The following CELF2 variants were observed in gnomAD, a reference collection of about 807,000 sequenced individuals.
The protein encoded by CELF2 is CUGBP Elav-like family member 2.
In CELF2, 8 loss-of-function variants were observed where a neutral mutation model predicts 62.6. The ratio of observed to expected loss-of-function variants is 0.13; its 90% CI spans 0.07 to 0.23. The LOEUF (loss-of-function observed/expected upper bound fraction) is 0.23, where lower values mean the gene tolerates loss of function less well. CELF2 is among the 10% of genes least tolerant of loss of function. The probability of loss-of-function intolerance (pLI) is 1.00; values close to 1 mark genes in which losing one functional copy is unlikely to be tolerated. For missense variants in CELF2, 333 were observed against 671.0 expected, an observed-to-expected ratio of 0.50 and a Z score of 5.56; for synonymous variants, 258 against 250.0, an observed-to-expected ratio of 1.03 and a Z score of -0.30.
chr10:10,925,403 A>G (rs1057152742), intron 2 of CELF2, among the ~76,000 whole-genome samples: 3 of 151,894 alleles, frequency 2.0e-5, no homozygotes, highest in Admixed American at 6.5e-5. Context: ...TGCACTAAGT[A>G]TATGCCAAGC....
chr10:10,949,018 G>A (rs960537874), intron 2 of CELF2, among the ~76,000 whole-genome samples: 6 of 152,064 alleles, frequency 3.9e-5, no homozygotes, highest in East Asian at 1.9e-4. Flanking sequence ...AAATGAACAC[G>A]CACACACAAA....
At chr10:11,037,288 C>T (rs543157740) in intron 1 of CELF2, among the ~76,000 whole-genome samples, 23 of 152,306 alleles carry the variant, frequency 1.5e-4, no homozygotes, top group Non-Finnish European at 2.6e-4. Context: ...GTGAGAACAG[C>T]GTGGGAGAAA....
the CELF2 span, among the ~76,000 whole-genome samples, chr10:10,747,410 A>T: frequency 6.6e-6 from 1 of 152,188 alleles, no homozygotes; most frequent in Non-Finnish European, 1.5e-5. Flanking sequence ...AAAGAAACGC[A>T]CTTGCAAATT....
At chr10:11,160,040 C>T (rs1402802496) in intron 1 of CELF2, among the ~76,000 whole-genome samples, 1 of 152,234 alleles carries the variant, frequency 6.6e-6, no homozygotes, top group Non-Finnish European at 1.5e-5. Context: ...GTCAGCTCTC[C>T]AGCCTGCAGC....
At chr10:10,591,373 C>A in the CELF2 span, among the ~76,000 whole-genome samples, 1 of 151,904 alleles carries the variant, frequency 6.6e-6, no homozygotes, top group Non-Finnish European at 1.5e-5. Flanking sequence ...TGGGTATATG[C>A]TTTCAGTACA....
At chr10:10,530,447 T>C in the CELF2 span, among the ~76,000 whole-genome samples, 1 of 152,206 alleles carries the variant, frequency 6.6e-6, no homozygotes, top group Non-Finnish European at 1.5e-5. Context: ...TTAGTAAACG[T>C]TATCAATCTG....
At chr10:11,284,241 G>T (rs1280604601) in intron 8 of CELF2, among the ~76,000 whole-genome samples, 2,230 of 11,278 alleles carry the variant, frequency 0.2, 923 homozygotes, top group Non-Finnish European at 0.23. Context: ...AGGGATGGAG[G>T]GGTGGGTGGA....
At chr10:10,680,119 G>A in the CELF2 span, among the ~76,000 whole-genome samples, 2 of 151,954 alleles carry the variant, frequency 1.3e-5, no homozygotes, top group East Asian at 1.9e-4. Flanking sequence ...CACAAAACTC[G>A]GGTAGCATGA....
At chr10:11,161,562 A>G (rs749759955) in intron 1 of CELF2, among the ~76,000 whole-genome samples, 7 of 152,262 alleles carry the variant, frequency 4.6e-5, no homozygotes. Flanking sequence ...GTTCATCTCC[A>G]AAACAGATAA....
At position 10,982,720 on chromosome 10, in the gene CELF2, T is replaced by C. The variant is rs74934349; in HGVS notation, c.89+62721T>C. On this transcript the variant is annotated intron_variant, in intron 2 of 13. Transcript: ENST00000636488. ...TAGATTTGTTTTATGACCTAAGGCATATTCATTTGGGCAACATGAGTATGA... is the reference window on the plus strand; with the variant it reads ...TAGATTTGTTTTATGACCTAAGGCACATTCATTTGGGCAACATGAGTATGA... Among the ~76,000 whole-genome samples the C allele has an allele frequency of 4.6e-4, 70 of 152,322 alleles. 1 individual carries two copies. In the East Asian group the frequency reaches 9.8e-3, roughly 21 times the overall value.
intron 1 of CELF2, among the ~76,000 whole-genome samples, chr10:11,047,160 A>T (rs2063005178): frequency 6.6e-6 from 1 of 152,174 alleles, no homozygotes; most frequent in Non-Finnish European, 1.5e-5. Flanking sequence ...ATTTCCACTG[A>T]GTCCTTGCTA....
chr10:11,253,270 C>T (rs917925254), intron 4 of CELF2, among the ~76,000 whole-genome samples: 5 of 152,200 alleles, frequency 3.3e-5, no homozygotes, highest in Non-Finnish European at 5.9e-5. Context: ...GGGTCTTTAA[C>T]GCCTAGAACC....
chr10:10,778,065 A>T, the CELF2 span, among the ~76,000 whole-genome samples: 2 of 152,144 alleles, frequency 1.3e-5, no homozygotes, highest in Non-Finnish European at 2.9e-5. Context: ...GGTTCGGGAG[A>T]TGGGGGCCCT....
intron 2 of CELF2, chr10:10,960,001 T>G (rs1251886564): frequency 2.0e-5 from 3 of 152,250 alleles, no homozygotes; most frequent in African/African-American, 7.2e-5. Context: ...AAGCATCAGC[T>G]TTCAGGGTTC....
rs538040804 is a variant in CELF2, at chr10:11,316,023, C to T, written c.1096+1765C>T. On this transcript the variant is annotated intron_variant, in intron 10 of 12. Coordinates refer to ENST00000633077, the MANE Select transcript of CELF2 (RefSeq NM_001326342.2). This position sits in a 1 kb window ranked among gnomAD's most constrained non-coding sequence, Gnocchi z 4.4. ...TGTGTGTGTCCTCTCGTCTGCGTCC[C>T]GCCCTGTCCACGCTGCTCTGCTCTG... 4.6e-5 allele frequency among the ~76,000 whole-genome samples: 7 copies of T among 152,330 alleles called. No homozygotes were observed. The South Asian group carries it at 6.2e-4, about 14-fold the overall frequency.
the CELF2 span, among the ~76,000 whole-genome samples, chr10:10,597,954 G>A: frequency 6.6e-6 from 1 of 152,154 alleles, no homozygotes; most frequent in South Asian, 2.1e-4. Context: ...ATGTAGGCAT[G>A]AGCCCTTTAA....
At chr10:10,501,585 A>G in the CELF2 span, among the ~76,000 whole-genome samples, 3 of 151,912 alleles carry the variant, frequency 2.0e-5, no homozygotes, top group Non-Finnish European at 4.4e-5. Flanking sequence ...TTTAATTTTA[A>G]TTTCCATGTG....
chr10:10,881,337 G>A (rs961165739), intron 1 of CELF2, among the ~76,000 whole-genome samples: 3 of 152,150 alleles, frequency 2.0e-5, no homozygotes, highest in Non-Finnish European at 4.4e-5. Context: ...ATCTGGCTGC[G>A]TACAGAATTC....
chr10:11,231,958 A>G (rs1170584613), intron 3 of CELF2, among the ~76,000 whole-genome samples: 1 of 151,884 alleles, frequency 6.6e-6, no homozygotes, highest in African/African-American at 2.4e-5. Context: ...TTACCTTTGC[A>G]TTCATGTATT....
Sources: gnomAD v4.1 joint callset for allele counts (sites outside exome capture counted in the v4.1 genomes callset) on GRCh38, gnomAD v4.1.1 for gene constraint, Gnocchi (gnomAD v3.1) non-coding constraint, MANE v1.5 for transcripts, NCBI Gene and HGNC (gene_info 2026-07-23, HGNC 2026-07-21) for gene names.